NOL4: variants seen among roughly 807,000 people sequenced by gnomAD.
NOL4 encodes the protein nucleolar protein 4.
A neutral mutation model predicts 75.9 loss-of-function variants in NOL4; 17 were observed. That is an observed-to-expected ratio of 0.22 (90% CI 0.15 to 0.34). The LOEUF is 0.34. Among genes scored for constraint, NOL4 ranks in the 10% least tolerant of loss-of-function variants. NOL4 has a pLI of 1.00. For missense variants in NOL4, 614 were observed against 793.5 expected (o/e 0.77, Z 2.72); for synonymous variants, 292 against 289.9 (o/e 1.01, Z -0.07).
chr18:33,936,415 T>G (rs1386021695), intron 9 of NOL4, among the ~76,000 whole-genome samples: 1 of 151,968 alleles, frequency 6.6e-6, no homozygotes, highest in Non-Finnish European at 1.5e-5. Flanking sequence ...GAGTTTTTTT[T>G]TTTTTTTTTT....
chr18:33,971,566 C>A (rs563384471), intron 6 of NOL4, among the ~76,000 whole-genome samples: 2 of 152,216 alleles, frequency 1.3e-5, no homozygotes, highest in South Asian at 2.1e-4. Context: ...CTGCATTTTA[C>A]AAAGGAAGTA....
intron 1 of NOL4, among the ~76,000 whole-genome samples, chr18:34,138,267 T>C (rs1600700725): frequency 6.6e-6 from 1 of 152,052 alleles, no homozygotes; most frequent in African/African-American, 2.4e-5. Flanking sequence ...CTGGGCATGG[T>C]GACACATGCC....
chr18:33,858,653 G>T (rs973839240), intron 10 of NOL4, among the ~76,000 whole-genome samples: 5 of 151,936 alleles, frequency 3.3e-5, no homozygotes, highest in Admixed American at 3.3e-4. Flanking sequence ...TACTCTTTTT[G>T]ATGATAGAAT....
chr18:34,088,036 G>C (rs977452386), intron 5 of NOL4, among the ~76,000 whole-genome samples: 2 of 151,048 alleles, frequency 1.3e-5, no homozygotes, highest in African/African-American at 4.9e-5. Flanking sequence ...TGTTGCAATT[G>C]AAAAATACAT....
At chr18:33,876,323 C>A (rs142354991) in intron 10 of NOL4, among the ~76,000 whole-genome samples, 4 of 152,144 alleles carry the variant, frequency 2.6e-5, no homozygotes, top group African/African-American at 4.8e-5. Context: ...CATCATACTT[C>A]ACAATTTCTC....
chr18:33,933,359 G>A (rs1385572465), intron 9 of NOL4, among the ~76,000 whole-genome samples: 1 of 152,136 alleles, frequency 6.6e-6, no homozygotes, highest in Non-Finnish European at 1.5e-5. Context: ...GGTGATGGTT[G>A]TTGAAGGCTA....
intron 1 of NOL4, among the ~76,000 whole-genome samples, chr18:34,199,636 A>G (rs944173964): frequency 7.2e-5 from 11 of 151,820 alleles, no homozygotes; most frequent in Admixed American, 6.6e-4. Context: ...TGTTCTGTAA[A>G]CCTATTATTC....
At chr18:33,941,179 G>A (rs143560412) in intron 9 of NOL4, among the ~76,000 whole-genome samples, 89 of 152,096 alleles carry the variant, frequency 5.9e-4, no homozygotes, top group African/African-American at 2.0e-3. Context: ...CTATGAATCT[G>A]ATATCTGTAT....
intron 8 of NOL4, among the ~76,000 whole-genome samples, chr18:33,946,783 A>T (rs747582694): frequency 6.6e-6 from 1 of 151,874 alleles, no homozygotes; most frequent in Admixed American, 6.6e-5. Flanking sequence ...CAAAGACAAA[A>T]ATGTAACTTA....
chr18:34,129,460 T>C (rs1227454942), intron 2 of NOL4, among the ~76,000 whole-genome samples: 2 of 151,596 alleles, frequency 1.3e-5, no homozygotes, highest in Admixed American at 1.3e-4. Flanking sequence ...AACTAGAAAA[T>C]ACCTAAACAT....
chr18:33,883,276 C>G lies in NOL4; in HGVS notation c.1691G>C (p.Gly564Ala). 7 of 1,606,652 alleles carry G rather than the reference C, an allele frequency of 4.4e-6. No homozygotes were observed. Among genetic ancestry groups the G allele is most frequent in the Non-Finnish European group, 5.9e-6 (7 of 1,177,316 alleles). ...GGAAGCATCATTCAGATTTAGCAGA[C>G]CCCCTCCTAGCCCTCTGTAACTATG... ...SYHSYRGLGG[G>A]LLNLNDASSS... Residue 564 changes from glycine (G) to alanine (A), a missense_variant, in exon 10 of 11, where the codon GGT (glycine) becomes GCT (alanine). Coordinates refer to ENST00000261592, the MANE Select transcript of NOL4 (RefSeq NM_003787.5).
At chr18:34,222,964 A>G (rs2037430426) in intron 1 of NOL4, 26 bp downstream of exon 1, 1 of 1,599,988 alleles carries the variant, frequency 6.3e-7, no homozygotes. Flanking sequence ...CGGCAGACAA[A>G]TAACAGAGGA....
chr18:34,163,772 C>T (rs1356254532), intron 1 of NOL4, among the ~76,000 whole-genome samples: 8 of 152,010 alleles, frequency 5.3e-5, no homozygotes, highest in Admixed American at 2.6e-4. Flanking sequence ...AAAAAGAGCC[C>T]GCATCGCCAA....
At chr18:34,073,688 C>A (rs2077618330) in intron 5 of NOL4, among the ~76,000 whole-genome samples, 1 of 151,952 alleles carries the variant, frequency 6.6e-6, no homozygotes, top group Admixed American at 6.6e-5. Context: ...TTTTAAAACA[C>A]ACTTGTGACA....
intron 1 of NOL4, among the ~76,000 whole-genome samples, chr18:34,142,803 A>C (rs1026272485): frequency 1.3e-5 from 2 of 151,298 alleles, no homozygotes; most frequent in Admixed American, 1.3e-4. Flanking sequence ...CACGTTGTGC[A>C]CATGTACCCT....
chr18:34,158,151 G>C (rs1255070133), intron 1 of NOL4, among the ~76,000 whole-genome samples: 5 of 152,088 alleles, frequency 3.3e-5, no homozygotes, highest in African/African-American at 1.2e-4. Context: ...AAGCTACCGG[G>C]GTGCTTTCAG....
chr18:33,973,566 C>T (rs563059390), intron 6 of NOL4, among the ~76,000 whole-genome samples: 246 of 152,304 alleles, frequency 1.6e-3, no homozygotes, highest in African/African-American at 5.6e-3. Context: ...ATGGCAGCCA[C>T]AGCCTTGGGA....
chr18:34,132,242 G>A (rs1049946648), intron 1 of NOL4, among the ~76,000 whole-genome samples: 2 of 152,168 alleles, frequency 1.3e-5, no homozygotes, highest in Admixed American at 6.5e-5. Flanking sequence ...TTCTCAAGAT[G>A]CTTAATAATA....
At chr18:33,995,226 GAAGAA>G (rs1273220394) in intron 6 of NOL4, among the ~76,000 whole-genome samples, 11 of 151,482 alleles carry the variant, frequency 7.3e-5, no homozygotes, top group Non-Finnish European at 1.5e-4. Flanking sequence ...CTAAGAAATA[GAAGAA>G]AAGGGAACAG....
Sources: allele counts gnomAD v4.1 joint callset (sites outside exome capture counted in the v4.1 genomes callset), GRCh38; gene constraint gnomAD v4.1.1; transcripts MANE v1.5; gene names NCBI Gene and HGNC (gene_info 2026-07-23, HGNC 2026-07-21).